The following TIGD4 variants were observed in gnomAD, a reference collection of about 807,000 sequenced individuals.
TIGD4 encodes tigger transposable element derived 4, also known as tigger transposable element-derived protein 4.
Under a neutral mutation model 24.9 loss-of-function variants are expected in TIGD4, and 20 were observed. The observed-to-expected ratio is 0.80, with a 90% CI of 0.56 to 1.17. The LOEUF (loss-of-function observed/expected upper bound fraction) is 1.17. Among genes scored for constraint, TIGD4 ranks in the 50% most tolerant of loss-of-function variants. The pLI, the probability that TIGD4 is intolerant of heterozygous loss-of-function variation, is 0.00. For missense variants in TIGD4, 566 were observed against 591.0 expected, an observed-to-expected ratio of 0.96 and a Z score of 0.44; for synonymous variants, 193 against 211.0, an observed-to-expected ratio of 0.91 and a Z score of 0.74.
chr4:152,769,549 G>C lies in TIGD4; in HGVS notation c.1456C>G (p.Leu486Val). 6.2e-7 allele frequency: 1 copy of C among 1,605,198 alleles called. No individual in the cohort carries two copies. Among genetic ancestry groups the C allele is most frequent in the South Asian group, 1.1e-5 (1 of 88,790 alleles). ...ITALDTLKKF[L>V]RSQDMNDGLQ... ...CCGTCATTCATATCTTGACTTCTGA[G>C]AAATTTTTTCAGAGTATCTAAAGCA... Residue 486 changes from leucine to valine, a missense_variant, in exon 2 of 2, where the codon CTC (leucine) becomes GTC (valine). Transcript: ENST00000304337.
At position 152,771,533 on chromosome 4, in the gene TIGD4, A is replaced by G. The variant is rs574166155; in HGVS notation, c.-529T>C. The stretch of plus-strand genomic sequence containing the variant: ...TAGAATCCTTCTAGAACTTGCCAGT[A>G]TATCTTCTTCTGTTGTTTGAAAAAT... On this transcript the variant is annotated 5_prime_UTR_variant, in exon 2 of 2. Transcript: ENST00000304337. The G allele has an allele frequency of 2.4e-5, 4 of 165,556 alleles. No homozygotes were observed. Among genetic ancestry groups the G allele is most frequent in the African/African-American group, 7.2e-5 (3 of 41,576 alleles). 10.3% of individuals were successfully genotyped at this position (165,556 alleles called of 1,614,324 possible). A position where few individuals can be genotyped will look rare whatever the true frequency, so the allele number is the denominator to read the frequency against.
At chr4:152,772,184 T>C (rs1440502509) in intron 1 of TIGD4, among the ~76,000 whole-genome samples, 2 of 152,330 alleles carry the variant, frequency 1.3e-5, no homozygotes, top group East Asian at 3.9e-4. Context: ...AACTTTTGTA[T>C]TAATTTGACA....
chr4:152,774,840 T>A (rs916893394), intron 1 of TIGD4, among the ~76,000 whole-genome samples: 9 of 152,210 alleles, frequency 5.9e-5, no homozygotes, highest in African/African-American at 2.2e-4. Context: ...AATACGCTTA[T>A]GGAGGGCAAA....
chr4:152,777,155 T>A (rs78181519), intron 1 of TIGD4, among the ~76,000 whole-genome samples: 2 of 151,900 alleles, frequency 1.3e-5, no homozygotes, highest in Admixed American at 1.3e-4. Context: ...TTCAGGTATA[T>A]AAGAGAGTGC....
intron 1 of TIGD4, among the ~76,000 whole-genome samples, chr4:152,779,008 G>A (rs1389191427): frequency 2.0e-5 from 3 of 152,194 alleles, no homozygotes; most frequent in African/African-American, 7.2e-5. Context: ...CCAACTGTAT[G>A]GTACAGTGTG....
intron 1 of TIGD4, among the ~76,000 whole-genome samples, chr4:152,774,140 A>T (rs1243113580): frequency 2.0e-5 from 3 of 151,964 alleles, no homozygotes; most frequent in Admixed American, 2.0e-4. Flanking sequence ...TATCATGTCA[A>T]ACAGCAAGGA....
chr4:152,778,537 TTGAG>T (rs542724783), intron 1 of TIGD4, among the ~76,000 whole-genome samples: 47 of 152,234 alleles, frequency 3.1e-4, no homozygotes, highest in Non-Finnish European at 5.6e-4. Context: ...AAGTTACAGT[TTGAG>T]TGGGTTGGCA....
At chr4:152,776,588 A>T (rs1730265352) in intron 1 of TIGD4, among the ~76,000 whole-genome samples, 1 of 152,190 alleles carries the variant, frequency 6.6e-6, no homozygotes, top group Non-Finnish European at 1.5e-5. Flanking sequence ...GCACTCACTC[A>T]TTGTCTTCTA....
chr4:152,769,868 T>C lies in TIGD4; in HGVS notation c.1137A>G (p.Gly379=), dbSNP rs772660185. ...ETIVKSYEEA[G]FKSQKGESDI... ...CACTTTCTCCCTTTTGAGATTTGAA[T>C]CCTGCCTCTTCATAGCTTTTAACAA... Residue 379 remains glycine, a synonymous_variant, in exon 2 of 2, where the codon GGA becomes GGG. Coordinates refer to ENST00000304337, the MANE Select transcript of TIGD4 (RefSeq NM_145720.4). 1 of 1,613,182 alleles carries C rather than the reference T, an allele frequency of 6.2e-7. No individual in the cohort carries two copies. The highest frequency in any genetic ancestry group is 1.3e-5 in the African/African-American group (1 of 74,926).
intron 1 of TIGD4, among the ~76,000 whole-genome samples, chr4:152,777,465 A>G (rs566822973): frequency 6.6e-6 from 1 of 152,216 alleles, no homozygotes; most frequent in Non-Finnish European, 1.5e-5. Flanking sequence ...TCTAAACAAA[A>G]TGAGCAGGCA....
chr4:152,770,749 C>G lies in TIGD4; in HGVS notation c.256G>C (p.Asp86His). 4 of 1,613,404 alleles carry G rather than the reference C, an allele frequency of 2.5e-6. No homozygotes were observed. The highest frequency in any genetic ancestry group is 3.4e-6 in the Non-Finnish European group (4 of 1,179,768). ...CATCTCATTAATGCCTCTTCCAGAT[C>G]TGTGTAAAAAGCAGTTCTCAGTCTT... is the stretch of plus-strand genomic sequence containing the variant. ...RKRLRTAFYT[D>H]LEEALMRWYR... Residue 86 changes from aspartate (D) to histidine (H), a missense_variant, in exon 2 of 2, where the codon GAT becomes CAT. By Grantham distance (81) the Asp-to-His change is moderately conservative. Transcript: ENST00000304337.
Position 152,770,278 on chromosome 4 carries a change from T to A in TIGD4, c.727A>T (p.Lys243Ter). 1 of 1,614,068 alleles carries A rather than the reference T, an allele frequency of 6.2e-7. No individual in the cohort carries two copies. The highest frequency in any genetic ancestry group is 8.5e-7 in the Non-Finnish European group (1 of 1,179,952). ...IGKKRTPHCF[K>*]GLKSLPVCYE... ...CACACAGGCAATGATTTTAAACCTTTGAAACAATGTGGAGTTCTCTTTTTT... is the reference window on the plus strand; with the variant it reads ...CACACAGGCAATGATTTTAAACCTTAGAAACAATGTGGAGTTCTCTTTTTT... The change falls in exon 2 of 2, where the codon AAA (lysine) becomes TAA (stop). Residue 243 changes from lysine (K) to a stop codon, truncating the protein, a stop_gained. Coordinates refer to ENST00000304337, the MANE Select transcript of TIGD4 (RefSeq NM_145720.4). LOFTEE classifies it high-confidence loss of function.
chr4:152,770,839 T>C lies in TIGD4; in HGVS notation c.166A>G (p.Ile56Val), dbSNP rs755290355. The stretch of plus-strand genomic sequence containing the variant: ...AGAACTTTGTCTTTATTCTTCATAA[T>C]AGAAGACAATGAATTTTTCTTTATT... ...YGIKKNSLSS[I>V]MKNKDKVLEA... is the part of the protein sequence containing the mutation. Residue 56 changes from isoleucine to valine, a missense_variant, in exon 2 of 2, where the codon ATT becomes GTT. By Grantham distance (29) the Ile-to-Val change is conservative (BLOSUM62 3). Transcript: ENST00000304337. 2.5e-6 allele frequency: 4 copies of C among 1,613,368 alleles called. No individual in the cohort carries two copies. Among genetic ancestry groups the C allele is most frequent in the African/African-American group, 1.3e-5 (1 of 75,022 alleles).
In TIGD4 at chr4:152,771,164, C is replaced by CA; in HGVS notation, c.-161dup. Reference sequence around the variant, plus strand: ...GTCTTATTTTGTAGGAACTTGATGACAAAATATGCTTTTTCAAAGATCTGA... The same window carrying CA: ...GTCTTATTTTGTAGGAACTTGATGACAAAAATATGCTTTTTCAAAGATCTGA... On this transcript the variant is annotated 5_prime_UTR_variant, in exon 2 of 2. Transcript: ENST00000304337. The CA allele has an allele frequency of 1.2e-6, 1 of 806,658 alleles. No individual in the cohort carries two copies. Among genetic ancestry groups the CA allele is most frequent in the Non-Finnish European group, 1.8e-6 (1 of 561,112 alleles). 50.0% of individuals were successfully genotyped at this position (806,658 alleles called of 1,614,324 possible).
chr4:152,770,362 T>A lies in TIGD4; in HGVS notation c.643A>T (p.Thr215Ser). 1 of 1,614,086 alleles carries A rather than the reference T, an allele frequency of 6.2e-7. No individual in the cohort carries two copies. Reference sequence around the variant, plus strand: ...TCCATGTTTGTGCCAACCACCAGAGTTATTCTGTCTTTGCATAACTTTCCA... The same window carrying A: ...TCCATGTTTGTGCCAACCACCAGAGATATTCTGTCTTTGCATAACTTTCCA... ...SVGKLCKDRI[T>S]LVVGTNMDGS... Residue 215 changes from threonine to serine, a missense_variant, in exon 2 of 2, where the codon ACT becomes TCT. Thr to Ser is a moderately conservative substitution (Grantham distance 58). Coordinates refer to ENST00000304337, the MANE Select transcript of TIGD4 (RefSeq NM_145720.4).
Position 152,769,829 on chromosome 4 carries a change from T to G in TIGD4, c.1176A>C (p.Ala392=), listed in dbSNP as rs1355799877. ...SQKGESDITN[A]EKDTGLDLVA... ...CCAAATCCAGACCAGTATCCTTCTC[T>G]GCATTTGTTATGTCACTTTCTCCCT... is the stretch of plus-strand genomic sequence containing the variant. The change falls in exon 2 of 2, where the codon GCA becomes GCC. Residue 392 remains alanine (A), a synonymous_variant. Transcript: ENST00000304337. 1 of 1,613,048 alleles carries G rather than the reference T, an allele frequency of 6.2e-7. No individual in the cohort carries two copies. Among genetic ancestry groups the G allele is most frequent in the African/African-American group, 1.3e-5 (1 of 74,914 alleles).
chr4:152,769,546 T>G lies in TIGD4; in HGVS notation c.1459A>C (p.Arg487=). Residue 487 remains arginine, a synonymous_variant, in exon 2 of 2, where the codon AGA becomes CGA. Coordinates refer to ENST00000304337, the MANE Select transcript of TIGD4 (RefSeq NM_145720.4). ...AGTCCGTCATTCATATCTTGACTTCTGAGAAATTTTTTCAGAGTATCTAAA... is the reference window on the plus strand; with the variant it reads ...AGTCCGTCATTCATATCTTGACTTCGGAGAAATTTTTTCAGAGTATCTAAA... ...TALDTLKKFL[R]SQDMNDGLQN... The G allele has an allele frequency of 6.2e-7, 1 of 1,605,132 alleles. No individual in the cohort carries two copies. The highest frequency in any genetic ancestry group is 8.5e-7 in the Non-Finnish European group (1 of 1,177,038).
At chr4:152,774,928 T>C (rs1274758435) in intron 1 of TIGD4, among the ~76,000 whole-genome samples, 1 of 152,062 alleles carries the variant, frequency 6.6e-6, no homozygotes, top group Non-Finnish European at 1.5e-5. Context: ...TTTTTTTTTT[T>C]TTTTTAAGAG....
Position 152,770,377 on chromosome 4 carries a change from A to G in TIGD4, c.628T>C (p.Cys210Arg), listed in dbSNP as rs1468767211. The G allele has an allele frequency of 1.9e-6, 3 of 1,614,050 alleles. No individual in the cohort carries two copies. Among genetic ancestry groups the G allele is most frequent in the Non-Finnish European group, 2.5e-6 (3 of 1,179,986 alleles). ...KGETCSVGKL[C>R]KDRITLVVGT... The stretch of plus-strand genomic sequence containing the variant: ...ACCACCAGAGTTATTCTGTCTTTGC[A>G]TAACTTTCCAACTGAACATGTTTCG... The change falls in exon 2 of 2, where the codon TGC becomes CGC. Residue 210 changes from cysteine (C) to arginine (R), a missense_variant. Transcript: ENST00000304337.
Sources: allele counts gnomAD v4.1 joint callset (sites outside exome capture counted in the v4.1 genomes callset), GRCh38; gene constraint gnomAD v4.1.1; transcripts MANE v1.5; gene names NCBI Gene and HGNC (gene_info 2026-07-23, HGNC 2026-07-21).